The following SACS variants were observed in gnomAD, a reference collection of about 807,000 sequenced individuals.
SACS encodes sacsin molecular chaperone, also known as sacsin.
Under a neutral mutation model 348.0 loss-of-function variants are expected in SACS, and 197 were observed. That is an observed-to-expected ratio of 0.57 (90% CI 0.50 to 0.64). The LOEUF is 0.64. Ranked by LOEUF, SACS falls within the 30% of genes least tolerant of loss-of-function variation. The probability of loss-of-function intolerance (pLI) is 0.00; values close to 1 mark genes in which losing one functional copy is unlikely to be tolerated. For synonymous variants in SACS, 1,985 were observed against 1,910.6 expected (o/e 1.04, Z -1.02); for missense variants, 4,999 against 5,360.8 (o/e 0.93, Z 2.11).
In SACS at chr13:23,331,025, T is replaced by C. The variant is rs1430768077; in HGVS notation, c.12851A>G (p.Glu4284Gly). The C allele has an allele frequency of 6.2e-7, 1 of 1,614,112 alleles. No individual in the cohort carries two copies. The highest frequency in any genetic ancestry group is 8.5e-7 in the Non-Finnish European group (1 of 1,179,986). Reference protein sequence around the residue: ...RSIPPLFSGRESHKTSSKHQS... With the variant: ...RSIPPLFSGRGSHKTSSKHQS... ...ATGTTTGGAAGAAGTCTTGTGGCTCTCTCTACCAGAGAAAAGAGGAGGAAT... is the reference window on the plus strand; with the variant it reads ...ATGTTTGGAAGAAGTCTTGTGGCTCCCTCTACCAGAGAAAAGAGGAGGAAT... Residue 4284 changes from glutamate (E) to glycine (G), a missense_variant, in exon 10 of 10, where the codon GAG becomes GGG. Glu to Gly is a moderately conservative substitution (Grantham distance 98). Transcript: ENST00000382292.
chr13:23,331,347 A>G lies in SACS; in HGVS notation c.12529T>C (p.Tyr4177His), dbSNP rs1296368378. ...AGGTACCCAACATATTCTCCCGGGT[A>G]AAAAACATTCATTGGGTCCATAAGC... ...TLLMDPMNVF[Y>H]PGEYVGYLVD... The change falls in exon 10 of 10, where the codon TAC becomes CAC. Residue 4177 changes from tyrosine (Y) to histidine (H), a missense_variant. By Grantham distance (83) the Tyr-to-His change is moderately conservative. Transcript: ENST00000382292. 6.2e-7 allele frequency: 1 copy of G among 1,614,008 alleles called. No homozygotes were observed. Among genetic ancestry groups the G allele is most frequent in the East Asian group, 2.2e-5 (1 of 44,872 alleles).
chr13:23,395,678 T>A (rs1301111928), intron 2 of SACS, among the ~76,000 whole-genome samples: 1 of 152,034 alleles, frequency 6.6e-6, no homozygotes, highest in Non-Finnish European at 1.5e-5. Context: ...CAAATGAAAA[T>A]CTTACAAGTC....
chr13:23,363,831 C>G (rs1464132238), intron 6 of SACS, among the ~76,000 whole-genome samples: 1 of 152,210 alleles, frequency 6.6e-6, no homozygotes, highest in Non-Finnish European at 1.5e-5. Context: ...AGGGTCACAG[C>G]TGCCACTGAG....
chr13:23,421,393 G>A (rs1017726270), intron 1 of SACS, among the ~76,000 whole-genome samples: 2 of 152,036 alleles, frequency 1.3e-5, no homozygotes, highest in African/African-American at 2.4e-5. Context: ...GTCCCATGAG[G>A]ATTGACATTC....
At chr13:23,366,363 C>T (rs1007663906) in intron 5 of SACS, among the ~76,000 whole-genome samples, 1 of 152,146 alleles carries the variant, frequency 6.6e-6, no homozygotes, top group Non-Finnish European at 1.5e-5. Context: ...CTGTTCCACC[C>T]CAAACATGAA....
At position 23,335,629 on chromosome 13, in the gene SACS, AAT is replaced by A; in HGVS notation, c.8245_8246del (p.Ile2749LeufsTer2). ...CTCCAGTACTCTTATCTATTTCACA[AAT>A]AGAAATTTTTTCCATGTGATTAAGA... ...MFLNHMEKIS[I>X]CEIDKSTGAL... On this transcript the variant is annotated frameshift_variant, in exon 10 of 10. Transcript: ENST00000382292. LOFTEE classifies it high-confidence loss of function. This position sits in a 1 kb window ranked among gnomAD's most constrained non-coding sequence, Gnocchi z 4.7. 2 of 1,613,908 alleles carry A rather than the reference AAT, an allele frequency of 1.2e-6. No individual in the cohort carries two copies. Among genetic ancestry groups the A allele is most frequent in the Non-Finnish European group, 1.7e-6 (2 of 1,179,880 alleles).
intron 2 of SACS, among the ~76,000 whole-genome samples, chr13:23,406,349 G>A (rs1377482046): frequency 2.0e-5 from 3 of 151,812 alleles, no homozygotes; most frequent in Admixed American, 6.6e-5. Context: ...TGGACACGGT[G>A]GGGGGAAACA....
chr13:23,418,618 G>A (rs1282008068), intron 1 of SACS, among the ~76,000 whole-genome samples: 5 of 152,126 alleles, frequency 3.3e-5, no homozygotes, highest in Non-Finnish European at 5.9e-5. Context: ...TGATTTGCCT[G>A]CCTCAGCTGT....
intron 2 of SACS, among the ~76,000 whole-genome samples, chr13:23,385,791 A>C (rs906283148): frequency 6.6e-6 from 1 of 152,250 alleles, no homozygotes; most frequent in Admixed American, 6.5e-5. Flanking sequence ...TTCTTAAATA[A>C]TAAGACTTGA....
Position 23,335,804 on chromosome 13 carries a change from T to C in SACS, c.8072A>G (p.Lys2691Arg), listed in dbSNP as rs1404156240. ...VLDLYLGTHF[K>R]LDNCTMFRFP... ...TCTGAACATTGTGCAATTATCCAGTTTAAAATGGGTTCCCAGATAAAGATC... is the reference window on the plus strand; with the variant it reads ...TCTGAACATTGTGCAATTATCCAGTCTAAAATGGGTTCCCAGATAAAGATC... The change falls in exon 10 of 10, where the codon AAA becomes AGA. Residue 2691 changes from lysine (K) to arginine (R), a missense_variant. By Grantham distance (26) the Lys-to-Arg change is conservative. Around this residue, in one of 6 missense-constraint regions of SACS, gnomAD observed 3,156 missense variants for 3,380.1 expected, o/e 0.93. Transcript: ENST00000382292. This position sits in a 1 kb window ranked among gnomAD's most constrained non-coding sequence, Gnocchi z 4.7. 6.2e-7 allele frequency: 1 copy of C among 1,613,980 alleles called. No individual in the cohort carries two copies. Among genetic ancestry groups the C allele is most frequent in the Non-Finnish European group, 8.5e-7 (1 of 1,179,914 alleles).
intron 2 of SACS, among the ~76,000 whole-genome samples, chr13:23,381,159 T>C (rs1327622893): frequency 1.3e-5 from 2 of 152,206 alleles, no homozygotes; most frequent in African/African-American, 4.8e-5. Context: ...AGGGCTCCAC[T>C]TGATTTTCCC....
intron 2 of SACS, among the ~76,000 whole-genome samples, chr13:23,397,740 CA>C (rs1348411039): frequency 2.6e-5 from 4 of 152,142 alleles, no homozygotes; most frequent in Non-Finnish European, 5.9e-5. Context: ...AGAAAAGAGT[CA>C]AACTCTGTAA....
At chr13:23,404,023 A>G (rs575733777) in intron 2 of SACS, among the ~76,000 whole-genome samples, 38 of 152,322 alleles carry the variant, frequency 2.5e-4, no homozygotes, top group African/African-American at 8.7e-4. Flanking sequence ...ATTCAGGAGC[A>G]GGTTGTTCAG....
At chr13:23,414,062 T>C (rs930387898) in intron 1 of SACS, among the ~76,000 whole-genome samples, 2 of 152,176 alleles carry the variant, frequency 1.3e-5, no homozygotes, top group Non-Finnish European at 2.9e-5. Context: ...CCCAGCACGT[T>C]GGGAGGCCGA....
intron 1 of SACS, among the ~76,000 whole-genome samples, chr13:23,432,715 T>C (rs1188722995): frequency 6.6e-6 from 1 of 152,216 alleles, no homozygotes; most frequent in East Asian, 1.9e-4. Context: ...TCAATTACTT[T>C]TATCTGCACT....
chr13:23,406,209 A>G (rs1873200840), intron 2 of SACS, among the ~76,000 whole-genome samples: 1 of 152,222 alleles, frequency 6.6e-6, no homozygotes, highest in African/African-American at 2.4e-5. Context: ...CATAAAAAGG[A>G]TGAGTTCCTG....
rs1566053083 is a variant in SACS, at chr13:23,329,493, A to AT, written c.*642dup. On this transcript the variant is annotated 3_prime_UTR_variant, in exon 10 of 10. Transcript: ENST00000382292. ...TTCATCAAACAGGAAGCCTGTAAAC[A>AT]TAAGATGTTAAAAAAAAATTTAAAT... 4.0e-6 allele frequency: 3 copies of AT among 748,850 alleles called. No individual in the cohort carries two copies. Among genetic ancestry groups the AT allele is most frequent in the Non-Finnish European group, 7.4e-6 (3 of 407,824 alleles). The allele number at this position is 748,850 out of a possible 1,614,324, so 46.4% of individuals were successfully genotyped here.
intron 1 of SACS, among the ~76,000 whole-genome samples, chr13:23,424,457 G>A (rs553847309): frequency 1.0e-3 from 152 of 152,020 alleles, no homozygotes; most frequent in African/African-American, 3.5e-3. Flanking sequence ...CCCGGGAGGC[G>A]GAGGTTGCAG....
At chr13:23,374,328 A>G (rs948138625) in intron 3 of SACS, among the ~76,000 whole-genome samples, 3 of 152,220 alleles carry the variant, frequency 2.0e-5, no homozygotes, top group African/African-American at 4.8e-5. Context: ...TACTTCACCA[A>G]TAATATTTGT....
Sources: allele counts gnomAD v4.1 joint callset (sites outside exome capture counted in the v4.1 genomes callset), GRCh38; gene constraint gnomAD v4.1.1; regional missense constraint gnomAD v4.1.1; non-coding constraint Gnocchi (gnomAD v3.1); transcripts MANE v1.5; gene names NCBI Gene and HGNC (gene_info 2026-07-23, HGNC 2026-07-21).